Variants in PKD1 observed in about 807,000 individuals in gnomAD.
PKD1 encodes the protein polycystin 1, transient receptor potential channel interacting, also known as polycystin-1.
In PKD1, 81 loss-of-function variants were observed where a neutral mutation model predicts 361.7. The ratio of observed to expected loss-of-function variants is 0.22; its 90% CI spans 0.19 to 0.27. PKD1 has a LOEUF of 0.27. Among genes scored for constraint, PKD1 ranks in the 10% least tolerant of loss-of-function variants. The probability of loss-of-function intolerance (pLI) is 1.00; values close to 1 mark genes in which losing one functional copy is unlikely to be tolerated. For synonymous variants in PKD1, 3,615 were observed against 2,818.3 expected (o/e 1.28, Z -8.95); for missense variants, 6,399 against 6,118.3 (o/e 1.05, Z -1.53).
chr16:2,123,027 G>A (rs1462956402), intron 1 of PKD1, among the ~76,000 whole-genome samples: 26 of 152,192 alleles, frequency 1.7e-4, no homozygotes, highest in Non-Finnish European at 3.5e-4. Context: ...CCAGGGCAGG[G>A]GTGGGGGCAG....
rs997607093 is a variant in PKD1 at position 2,113,804 on chromosome 16, G to A, written c.2853+366C>T. The A allele has an allele frequency of 1.9e-4, 78 of 404,916 alleles. No homozygotes were observed. The Admixed American group carries it at 2.1e-3, about 11-fold the overall frequency. 25.1% of individuals were successfully genotyped at this position (404,916 alleles called of 1,614,324 possible). ...AGCATGGTGGCACCGCGGGCAGCCCGCAGTTTCCCATCAGGGGTTCAGACT... is the reference window on the plus strand; with the variant it reads ...AGCATGGTGGCACCGCGGGCAGCCCACAGTTTCCCATCAGGGGTTCAGACT... On this transcript the variant is annotated intron_variant, in intron 11 of 45. Coordinates refer to ENST00000262304, the MANE Select transcript of PKD1 (RefSeq NM_001009944.3).
At chr16:2,122,153 G>A (rs1034964939) in intron 1 of PKD1, among the ~76,000 whole-genome samples, 37 of 152,366 alleles carry the variant, frequency 2.4e-4, no homozygotes, top group South Asian at 8.3e-4. Context: ...GGCCTTCTCC[G>A]TGCCAGGAAG....
At chr16:2,098,037 A>C (rs1266941567) in intron 30 of PKD1, 53 bp from the exon 31 acceptor site, 8 of 920,938 alleles carry the variant, frequency 8.7e-6, no homozygotes, top group East Asian at 7.3e-5. Flanking sequence ...TGCTCAGGAC[A>C]GGGATGAGAA....
At chr16:2,120,715 G>A (rs997205430) in intron 1 of PKD1, among the ~76,000 whole-genome samples, 6 of 152,064 alleles carry the variant, frequency 3.9e-5, no homozygotes, top group African/African-American at 1.4e-4. Context: ...AGAAAACAAA[G>A]AGAAAGCAAG....
At chr16:2,120,712 A>G (rs766043976) in intron 1 of PKD1, among the ~76,000 whole-genome samples, 3 of 152,184 alleles carry the variant, frequency 2.0e-5, no homozygotes, top group East Asian at 1.9e-4. Flanking sequence ...GAAAGAAAAC[A>G]AAGAGAAAGC....
At chr16:2,107,591 G>A (rs983350606) in intron 16 of PKD1, 2 of 514,652 alleles carry the variant, frequency 3.9e-6, no homozygotes, top group African/African-American at 1.9e-5. Context: ...CATGGGCTGG[G>A]GACAGTGGCT....
chr16:2,093,979 C>T lies in PKD1; in HGVS notation c.10653G>A (p.Pro3551=), dbSNP rs1368649524. The T allele has an allele frequency of 8.2e-6, 13 of 1,586,568 alleles. No homozygotes were observed. The highest frequency in any genetic ancestry group is 2.7e-5 in the African/African-American group (2 of 74,558). The change falls in exon 36 of 46, where the codon CCG becomes CCA. Residue 3551 remains proline, a synonymous_variant. Coordinates refer to ENST00000262304, the MANE Select transcript of PKD1 (RefSeq NM_001009944.3). ...CGTGGGCCAGGGAGGCACACCAGGCCGGCAGCAGGCGCTTCCGCAGACCCT... is the reference window on the plus strand; with the variant it reads ...CGTGGGCCAGGGAGGCACACCAGGCTGGCAGCAGGCGCTTCCGCAGACCCT... ...LVEGLRKRLL[P]AWCASLAHGL... is the part of the protein sequence containing the mutation.
rs1427365464 is a variant in PKD1 at position 2,135,836 on chromosome 16, G to A, written c.-147C>T. On this transcript the variant is annotated 5_prime_UTR_variant, in exon 1 of 46. Transcript: ENST00000262304. ...ACCTGCTGCTGAGCGACGCCCGCTC[G>A]GGGCTCGGGGCCAGGCCGCTCCGGG... 3.6e-6 allele frequency: 1 copy of A among 278,450 alleles called. No individual in the cohort carries two copies. Among genetic ancestry groups the A allele is most frequent in the African/African-American group, 2.3e-5 (1 of 43,778 alleles). 17.2% of individuals were successfully genotyped at this position (278,450 alleles called of 1,614,324 possible).
rs567722956 is a variant in PKD1, at chr16:2,111,270, A to C, written c.3897T>G (p.Val1299=). Residue 1299 remains valine (V), a synonymous_variant, in exon 15 of 46, where the codon GTT becomes GTG. Transcript: ENST00000262304. Reference sequence around the variant, plus strand: ...GCGTGGGGATGCAGGCGGCGGGTTCAACGCGCAGCACCTCCAGGACGAAGA... The same window carrying C: ...GCGTGGGGATGCAGGCGGCGGGTTCCACGCGCAGCACCTCCAGGACGAAGA... ...VLVFVLEVLR[V]EPAACIPTQP... 6.2e-7 allele frequency: 1 copy of C among 1,609,716 alleles called. No homozygotes were observed. The highest frequency in any genetic ancestry group is 8.5e-7 in the Non-Finnish European group (1 of 1,179,500).
In PKD1 at chr16:2,093,621, G is replaced by A. The variant is rs181927900; in HGVS notation, c.10939C>T (p.Arg3647Trp). 741 of 1,608,946 alleles carry A rather than the reference G, an allele frequency of 4.6e-4. 2 individuals carry two copies. The highest frequency in any genetic ancestry group is 5.9e-4 in the Non-Finnish European group (696 of 1,178,102). The change falls in exon 37 of 46, where the codon CGG becomes TGG. Residue 3647 changes from arginine (R) to tryptophan (W), a missense_variant. Physicochemically the swap from Arg to Trp is moderately radical, Grantham distance 101. Coordinates refer to ENST00000262304, the MANE Select transcript of PKD1 (RefSeq NM_001009944.3). ...TPVSARVPRVRPPHGFALFLA... is the reference protein window; with the variant it reads ...TPVSARVPRVWPPHGFALFLA... ...AAGAGTGCAAAGCCGTGGGGTGGCC[G>A]TACGCGGGGCACACGTGCGCTCACA...
In PKD1 at chr16:2,116,914, C is replaced by G; in HGVS notation, c.1525G>C (p.Val509Leu). The G allele has an allele frequency of 1.3e-6, 2 of 1,519,562 alleles. No homozygotes were observed. The highest frequency in any genetic ancestry group is 1.8e-6 in the Non-Finnish European group (2 of 1,130,618). The allele number at this position is 1,519,562 out of a possible 1,614,324, so 94.1% of individuals were successfully genotyped here. Residue 509 changes from valine (V) to leucine (L), a missense_variant, in exon 7 of 46, where the codon GTC becomes CTC. Physicochemically the swap from Val to Leu is conservative, Grantham distance 32. Coordinates refer to ENST00000262304, the MANE Select transcript of PKD1 (RefSeq NM_001009944.3). ...EPHPATAEHC[V>L]RLGPTGWCNT... The stretch of plus-strand genomic sequence containing the variant: ...CACCACCCGGTGGGCCCGAGCCGGA[C>G]GCAGTGCTCGGCTGTGGCTGGGTGT...
At chr16:2,126,006 G>A (rs1235712461) in intron 1 of PKD1, among the ~76,000 whole-genome samples, 4 of 125,358 alleles carry the variant, frequency 3.2e-5, no homozygotes, top group African/African-American at 1.9e-4. Context: ...GAGGATGGTG[G>A]GGGGGGGGGC....
At chr16:2,090,221 G>C (rs372745642) in intron 45 of PKD1, 27 bp from the exon 46 acceptor site, 1 of 1,608,888 alleles carries the variant, frequency 6.2e-7, no homozygotes. Flanking sequence ...GGCTCAGTCA[G>C]TCCGGCTGCA....
chr16:2,097,286 G>A, intron 33 of PKD1, 33 bp downstream of exon 33: 1 of 1,610,026 alleles, frequency 6.2e-7, no homozygotes, highest in Non-Finnish European at 8.5e-7. Context: ...GCAAGGGTGA[G>A]CTTCAGAGCC....
In PKD1 at chr16:2,104,491, G is replaced by A. The variant is rs371902103; in HGVS notation, c.8161+7C>T. The stretch of plus-strand genomic sequence containing the variant: ...GGGCGGGTGGCATGGGGCACGGGCC[G>A]CGGCACCTGTGATGTTGAGGATGCT... On this transcript the variant is annotated splice_region_variant and intron_variant, in intron 22 of 45. Coordinates refer to ENST00000262304, the MANE Select transcript of PKD1 (RefSeq NM_001009944.3). 8.8e-5 allele frequency: 133 copies of A among 1,512,180 alleles called. 2 individuals are homozygous for A. Among genetic ancestry groups the A allele is most frequent in the East Asian group, 2.6e-4 (11 of 41,724 alleles). The allele number at this position is 1,512,180 out of a possible 1,614,324, so 93.7% of individuals were successfully genotyped here.
At chr16:2,122,452 C>T (rs1225377075) in intron 1 of PKD1, among the ~76,000 whole-genome samples, 17 of 152,048 alleles carry the variant, frequency 1.1e-4, no homozygotes, top group African/African-American at 2.4e-5. Context: ...GCCGTCCCCT[C>T]CTCTACACCA....
intron 1 of PKD1, among the ~76,000 whole-genome samples, chr16:2,123,061 C>G (rs2092747212): frequency 6.6e-6 from 1 of 152,212 alleles, no homozygotes; most frequent in African/African-American, 2.4e-5. Flanking sequence ...CCCAGAGCCC[C>G]CCGGCTCCCC....
At chr16:2,107,665 G>C (rs1448432275) in intron 16 of PKD1, 1 of 625,748 alleles carries the variant, frequency 1.6e-6, no homozygotes, top group Non-Finnish European at 2.9e-6. Context: ...TGTAGCTTTT[G>C]CCACTAGAGC....
chr16:2,121,991 C>T (rs950622623), intron 1 of PKD1, among the ~76,000 whole-genome samples: 74 of 152,378 alleles, frequency 4.9e-4, no homozygotes, highest in Non-Finnish European at 8.1e-4. Context: ...CTCCTCCCAC[C>T]GGAGCTCCGC....
Sources: gnomAD v4.1 joint callset for allele counts (sites outside exome capture counted in the v4.1 genomes callset) on GRCh38, gnomAD v4.1.1 for gene constraint, MANE v1.5 for transcripts, NCBI Gene and HGNC (gene_info 2026-07-23, HGNC 2026-07-21) for gene names.